CADM1: variants seen among roughly 807,000 people sequenced by gnomAD.
CADM1 encodes the protein TSLC-1.
CADM1 carries 15 observed loss-of-function variants against 53.1 expected under a neutral mutation model. The observed-to-expected ratio is 0.28, with a 90% CI of 0.19 to 0.44. CADM1 has a LOEUF of 0.44. Ranked by LOEUF, CADM1 falls within the 20% of genes least tolerant of loss-of-function variation. The pLI is 1.00. For missense variants in CADM1, 434 were observed against 611.3 expected, an observed-to-expected ratio of 0.71 and a Z score of 3.06; for synonymous variants, 281 against 243.0, an observed-to-expected ratio of 1.16 and a Z score of -1.45.
intron 1 of CADM1, among the ~76,000 whole-genome samples, chr11:115,368,595 T>C (rs1463127862): frequency 1.3e-5 from 2 of 152,154 alleles, no homozygotes; most frequent in Non-Finnish European, 2.9e-5. Flanking sequence ...AAAATCCTAA[T>C]ATTAGGGGCA....
In CADM1 at chr11:115,214,597, T is replaced by C. The variant is rs1433067064; in HGVS notation, c.994+11A>G. On this transcript the variant is annotated intron_variant, in intron 7 of 11. Coordinates refer to ENST00000331581, the MANE Select transcript of CADM1 (RefSeq NM_001301043.2). Reference sequence around the variant, plus strand: ...GACTCTAGTAGAAGAGCATTTTATCTTCTCACGTACCGTATACATACAGCA... The same window carrying C: ...GACTCTAGTAGAAGAGCATTTTATCCTCTCACGTACCGTATACATACAGCA... 1.2e-6 allele frequency: 2 copies of C among 1,612,580 alleles called. No homozygotes were observed. Among genetic ancestry groups the C allele is most frequent in the Admixed American group, 1.7e-5 (1 of 60,016 alleles).
At chr11:115,287,241 C>T (rs1023487761) in intron 1 of CADM1, among the ~76,000 whole-genome samples, 1 of 152,144 alleles carries the variant, frequency 6.6e-6, no homozygotes, top group Non-Finnish European at 1.5e-5. Flanking sequence ...GCACTGAAAA[C>T]CAGGTTGATG....
intron 1 of CADM1, among the ~76,000 whole-genome samples, chr11:115,496,098 G>A (rs779206676): frequency 1.3e-5 from 2 of 152,184 alleles, no homozygotes; most frequent in Non-Finnish European, 2.9e-5. Context: ...ACCAAATGGA[G>A]ACAATACATT....
chr11:115,411,669 A>T (rs1393388672), intron 1 of CADM1, among the ~76,000 whole-genome samples: 2 of 151,862 alleles, frequency 1.3e-5, no homozygotes, highest in East Asian at 1.9e-4. Flanking sequence ...ATTTTTTTTT[A>T]TTATTTATTT....
At position 115,171,879 on chromosome 11, in the gene CADM1, T is replaced by C. The variant is rs1223564288; in HGVS notation, c.*4595A>G. On this transcript the variant is annotated 3_prime_UTR_variant, in exon 12 of 12. Transcript: ENST00000331581. ...TCGTGGTTTGCAAGGGCATGATGTG[T>C]CTATATGCAGAGGAGCCCTCAGAGC... The C allele has an allele frequency of 2.6e-5, 4 of 152,200 alleles. No individual in the cohort carries two copies. The highest frequency in any genetic ancestry group is 9.7e-5 in the African/African-American group (4 of 41,434). 9.4% of individuals were successfully genotyped at this position (152,200 alleles called of 1,614,324 possible).
chr11:115,355,104 A>C (rs1181629353), intron 1 of CADM1, among the ~76,000 whole-genome samples: 1 of 152,178 alleles, frequency 6.6e-6, no homozygotes, highest in Non-Finnish European at 1.5e-5. Flanking sequence ...GAACACAAAG[A>C]TAAGGAAATC....
At chr11:115,248,918 G>T (rs918673419) in intron 1 of CADM1, among the ~76,000 whole-genome samples, 1 of 152,124 alleles carries the variant, frequency 6.6e-6, no homozygotes, top group Non-Finnish European at 1.5e-5. Context: ...CTTGGGAGAA[G>T]GGGGGCTCTT....
intron 2 of CADM1, among the ~76,000 whole-genome samples, chr11:115,238,968 A>G (rs1284164018): frequency 6.6e-6 from 1 of 152,014 alleles, no homozygotes; most frequent in African/African-American, 2.4e-5. Flanking sequence ...ACTTACTCAT[A>G]CATGTTTTCA....
rs780288917 is a variant in CADM1 at position 115,209,589 on chromosome 11, GGAT to G, written c.1060_1062del (p.Ile354del). On this transcript the variant is annotated inframe_deletion, in exon 8 of 12. Transcript: ENST00000331581. ...GATACCATACCTGTGATGATGGTAA[GGAT>G]GGTGGTGGTGGTGGTGGTGGTGGTG... 3.9e-5 allele frequency: 63 copies of G among 1,610,262 alleles called. No individual in the cohort carries two copies. The African/African-American group carries it at 6.3e-4, about 16-fold the overall frequency.
At chr11:115,414,575 G>A (rs960433165) in intron 1 of CADM1, among the ~76,000 whole-genome samples, 1 of 152,168 alleles carries the variant, frequency 6.6e-6, no homozygotes, top group Non-Finnish European at 1.5e-5. Context: ...ATCAATGAAA[G>A]TGATGATAAG....
At chr11:115,475,209 T>C (rs1446585544) in intron 1 of CADM1, among the ~76,000 whole-genome samples, 4 of 152,202 alleles carry the variant, frequency 2.6e-5, no homozygotes, top group African/African-American at 9.6e-5. Flanking sequence ...AGAACGTAAA[T>C]GCTATATAGT....
intron 1 of CADM1, among the ~76,000 whole-genome samples, chr11:115,268,651 A>C (rs1298188134): frequency 6.6e-6 from 1 of 152,096 alleles, no homozygotes; most frequent in South Asian, 2.1e-4. Context: ...TTGCCTGCAG[A>C]TTTTCTTCTT....
chr11:115,346,655 T>C (rs1346001580), intron 1 of CADM1, among the ~76,000 whole-genome samples: 1 of 152,172 alleles, frequency 6.6e-6, no homozygotes, highest in African/African-American at 2.4e-5. Flanking sequence ...TATCAACTTT[T>C]CCCAGGTTTC....
rs1008733024 is a variant in CADM1, at chr11:115,260,683, A to T, written c.125-20263T>A. Among the ~76,000 whole-genome samples, 7 of 151,150 alleles carry T rather than the reference A, an allele frequency of 4.6e-5. No individual in the cohort carries two copies. The South Asian group carries it at 1.2e-3, about 27-fold the overall frequency. On this transcript the variant is annotated intron_variant, in intron 1 of 11. Transcript: ENST00000331581. ...AAATTTTTATTTATTTATTTTATTTATTTTTTTCAGACGGGGTCTCGCTCT... is the reference window on the plus strand; with the variant it reads ...AAATTTTTATTTATTTATTTTATTTTTTTTTTTCAGACGGGGTCTCGCTCT...
intron 1 of CADM1, among the ~76,000 whole-genome samples, chr11:115,351,955 C>G (rs1280410414): frequency 6.6e-6 from 1 of 152,210 alleles, no homozygotes; most frequent in Non-Finnish European, 1.5e-5. Flanking sequence ...AACCTCTGGA[C>G]AGCAGGTCAG....
At chr11:115,345,643 C>T in intron 1 of CADM1, among the ~76,000 whole-genome samples, 1 of 152,166 alleles carries the variant, frequency 6.6e-6, no homozygotes, top group East Asian at 1.9e-4. Context: ...TTTAGCTTTA[C>T]CCACTCCCAA....
intron 1 of CADM1, among the ~76,000 whole-genome samples, chr11:115,364,231 G>C (rs1026593284): frequency 3.9e-5 from 6 of 152,090 alleles, no homozygotes; most frequent in Non-Finnish European, 5.9e-5. Flanking sequence ...AAAACCTACA[G>C]TTCTTAAATT....
At chr11:115,297,637 C>T (rs1459624611) in intron 1 of CADM1, among the ~76,000 whole-genome samples, 1 of 152,208 alleles carries the variant, frequency 6.6e-6, no homozygotes, top group Non-Finnish European at 1.5e-5. Context: ...TGAAATATTT[C>T]AGCATCCATT....
At chr11:115,216,074 T>A (rs1349905393) in intron 6 of CADM1, among the ~76,000 whole-genome samples, 1 of 152,248 alleles carries the variant, frequency 6.6e-6, no homozygotes, top group Non-Finnish European at 1.5e-5. Context: ...CAATCAGACG[T>A]AATGTCCTGC....
Sources: allele counts gnomAD v4.1 joint callset (sites outside exome capture counted in the v4.1 genomes callset), GRCh38; gene constraint gnomAD v4.1.1; transcripts MANE v1.5; gene names NCBI Gene and HGNC (gene_info 2026-07-23, HGNC 2026-07-21).